GARIN1A: variants seen among roughly 807,000 people sequenced by gnomAD.
The protein encoded by GARIN1A is Golgi-associated RAB2 interactor protein 1A.
the GARIN1A span, among the ~76,000 whole-genome samples, chr7:128,706,852 AG>A: frequency 3.9e-5 from 6 of 152,092 alleles, no homozygotes; most frequent in Non-Finnish European, 8.8e-5. Context: ...GCAGGCAGTA[AG>A]GCAGCTCCTC....
At chr7:128,708,005 T>G in the GARIN1A span, among the ~76,000 whole-genome samples, 7 of 150,132 alleles carry the variant, frequency 4.7e-5, no homozygotes, top group Non-Finnish European at 1.0e-4. Context: ...CTTTCTCTCC[T>G]TCTTTTCTTT....
the GARIN1A span, among the ~76,000 whole-genome samples, chr7:128,704,302 A>G: frequency 7.5e-6 from 1 of 133,682 alleles, no homozygotes; most frequent in Non-Finnish European, 1.6e-5. Flanking sequence ...TATTAGTTAG[A>G]GTAACCTTTT....
the GARIN1A span, among the ~76,000 whole-genome samples, chr7:128,678,569 C>T: frequency 1.3e-5 from 2 of 151,914 alleles, no homozygotes; most frequent in Non-Finnish European, 2.9e-5. Context: ...TTTGGGAGGC[C>T]GAGGCAGGTG....
At chr7:128,687,411 G>C in the GARIN1A span, 1 of 139,454 alleles carries the variant, frequency 7.2e-6, no homozygotes, top group Non-Finnish European at 1.6e-5. Context: ...CTGCGGAGCC[G>C]ATCTTGGAAT....
chr7:128,701,037 C>T, the GARIN1A span, among the ~76,000 whole-genome samples: 1 of 151,992 alleles, frequency 6.6e-6, no homozygotes, highest in African/African-American at 2.4e-5. Flanking sequence ...AATGTGAGCC[C>T]TCCATCTAGA....
chr7:128,677,367 C>G, the GARIN1A span, among the ~76,000 whole-genome samples: 1 of 151,906 alleles, frequency 6.6e-6, no homozygotes, highest in African/African-American at 2.4e-5. Flanking sequence ...ATTAGCCGGG[C>G]GTGGTGGCGG....
At chr7:128,676,357 G>T in the GARIN1A span, among the ~76,000 whole-genome samples, 1 of 152,078 alleles carries the variant, frequency 6.6e-6, no homozygotes, top group African/African-American at 2.4e-5. Context: ...TTCGTGCTGG[G>T]ATAGGGCAGT....
At chr7:128,681,886 C>A in the GARIN1A span, among the ~76,000 whole-genome samples, 1 of 109,568 alleles carries the variant, frequency 9.1e-6, no homozygotes, top group South Asian at 2.7e-4. Flanking sequence ...ACTGCACCCC[C>A]CCCCACAACC....
the GARIN1A span, chr7:128,683,105 C>A: frequency 5.6e-6 from 9 of 1,612,638 alleles, no homozygotes; most frequent in Non-Finnish European, 7.6e-6. Context: ...GGAATGAGCA[C>A]CTTCTACAAG....
chr7:128,676,183 TG>T, the GARIN1A span, among the ~76,000 whole-genome samples: 3 of 145,782 alleles, frequency 2.1e-5, no homozygotes, highest in Admixed American at 2.1e-4. Context: ...TTTTTTTTTT[TG>T]GATTTTTAGT....
chr7:128,678,980 G>A, the GARIN1A span, among the ~76,000 whole-genome samples: 1 of 149,816 alleles, frequency 6.7e-6, no homozygotes, highest in African/African-American at 2.5e-5. Context: ...ATATACATAT[G>A]TAACGATTGT....
chr7:128,704,981 G>C, the GARIN1A span, among the ~76,000 whole-genome samples: 1 of 152,226 alleles, frequency 6.6e-6, no homozygotes, highest in South Asian at 2.1e-4. Flanking sequence ...CACTGTCAGA[G>C]GAAGGAGTTC....
the GARIN1A span, among the ~76,000 whole-genome samples, chr7:128,680,383 A>C: frequency 3.3e-5 from 5 of 151,952 alleles, no homozygotes; most frequent in Non-Finnish European, 7.3e-5. Flanking sequence ...GGTGTTCAAT[A>C]AAAGGAATGA....
the GARIN1A span, among the ~76,000 whole-genome samples, chr7:128,694,397 G>A: frequency 6.6e-6 from 1 of 152,122 alleles, no homozygotes; most frequent in Non-Finnish European, 1.5e-5. Flanking sequence ...GCCAGGCATG[G>A]TGGTGGGTGC....
the GARIN1A span, among the ~76,000 whole-genome samples, chr7:128,705,670 T>G: frequency 1.4e-5 from 2 of 138,862 alleles, no homozygotes; most frequent in Non-Finnish European, 3.1e-5. Context: ...TTTTTTTTTT[T>G]TTTTTTTTTT....
chr7:128,679,188 G>A, the GARIN1A span, among the ~76,000 whole-genome samples: 4 of 151,190 alleles, frequency 2.6e-5, no homozygotes, highest in Non-Finnish European at 4.4e-5. Flanking sequence ...AAATTGATTT[G>A]TAAAATTAAA....
the GARIN1A span, among the ~76,000 whole-genome samples, chr7:128,699,265 C>CCCT: frequency 7.2e-6 from 1 of 139,836 alleles, no homozygotes; most frequent in South Asian, 2.5e-4. Flanking sequence ...CTGCTGCCCC[C>CCCT]CCCCCCCCAC....
At chr7:128,696,894 A>G in the GARIN1A span, among the ~76,000 whole-genome samples, 1 of 152,176 alleles carries the variant, frequency 6.6e-6, no homozygotes, top group African/African-American at 2.4e-5. Context: ...CATGTTTACA[A>G]CTACTTGAGT....
At chr7:128,705,001 C>G in the GARIN1A span, among the ~76,000 whole-genome samples, 3 of 152,184 alleles carry the variant, frequency 2.0e-5, no homozygotes, top group Non-Finnish European at 2.9e-5. Flanking sequence ...CAAAATAGGT[C>G]AATGGAATCC....
Sources: gnomAD v4.1 joint callset for allele counts (sites outside exome capture counted in the v4.1 genomes callset) on GRCh38, gnomAD v4.1.1 for gene constraint, MANE v1.5 for transcripts, NCBI Gene and HGNC (gene_info 2026-07-23, HGNC 2026-07-21) for gene names.